GPT2: variants seen among roughly 807,000 people sequenced by gnomAD.
GPT2 encodes the protein alanine aminotransferase 2.
A neutral mutation model predicts 56.9 loss-of-function variants in GPT2; 30 were observed. The observed-to-expected ratio is 0.53, with a 90% confidence interval of 0.39 to 0.72. The LOEUF (loss-of-function observed/expected upper bound fraction) is 0.72. Ranked by LOEUF, GPT2 falls within the 30% of genes least tolerant of loss-of-function variation. The probability of loss-of-function intolerance (pLI) is 0.00; values close to 1 mark genes in which losing one functional copy is unlikely to be tolerated. For synonymous variants in GPT2, 271 were observed against 283.1 expected, an observed-to-expected ratio of 0.96 and a Z score of 0.43; for missense variants, 542 against 703.4, an observed-to-expected ratio of 0.77 and a Z score of 2.60.
chr16:46,886,133 A>T (rs929613503), intron 2 of GPT2, among the ~76,000 whole-genome samples: 2 of 151,752 alleles, frequency 1.3e-5, no homozygotes, highest in Admixed American at 6.6e-5. Flanking sequence ...TCTCCTGCGG[A>T]CTCCTTGCAG....
At chr16:46,898,726 T>C (rs1219757709) in intron 3 of GPT2, among the ~76,000 whole-genome samples, 2 of 151,408 alleles carry the variant, frequency 1.3e-5, no homozygotes, top group Non-Finnish European at 2.9e-5. Context: ...ATTTTTGTAT[T>C]TTTGGTAGAG....
intron 6 of GPT2, among the ~76,000 whole-genome samples, chr16:46,915,129 TGGA>T (rs1270592145): frequency 6.6e-6 from 1 of 151,976 alleles, no homozygotes; most frequent in Non-Finnish European, 1.5e-5. Context: ...CCATGCGGTC[TGGA>T]ACTCCTGGGC....
chr16:46,914,184 T>C (rs62059080), intron 6 of GPT2, among the ~76,000 whole-genome samples: 4,911 of 152,318 alleles, frequency 0.032, 116 homozygotes, highest in Middle Eastern at 0.078. Context: ...TTCCCTCACC[T>C]GTACCCATGG....
Position 46,929,524 on chromosome 16 carries a change from G to GCAGTAGCA in GPT2, c.*529_*536dup, listed in dbSNP as rs1175058950. On this transcript the variant is annotated 3_prime_UTR_variant, in exon 12 of 12. Coordinates refer to ENST00000340124, the MANE Select transcript of GPT2 (RefSeq NM_133443.4). ...TGGCCTGGAGGCAGGCGCCGGGAGC[G>GCAGTAGCA]CAGTAGCACGTGGACTGGGCAGGAT... 1 of 160,644 alleles carries GCAGTAGCA rather than the reference G, an allele frequency of 6.2e-6. No individual in the cohort carries two copies. Among genetic ancestry groups the GCAGTAGCA allele is most frequent in the Non-Finnish European group, 1.4e-5 (1 of 72,682 alleles). The allele number at this position is 160,644 out of a possible 1,614,324, so 10.0% of individuals were successfully genotyped here. A position where few individuals can be genotyped will look rare whatever the true frequency, so the allele number is the denominator to read the frequency against.
At chr16:46,901,402 G>A (rs1361130083) in intron 4 of GPT2, among the ~76,000 whole-genome samples, 1 of 152,166 alleles carries the variant, frequency 6.6e-6, no homozygotes, top group Non-Finnish European at 1.5e-5. Flanking sequence ...AGTGGACCTG[G>A]AACTTGGCCC....
intron 2 of GPT2, among the ~76,000 whole-genome samples, chr16:46,896,142 C>T (rs1330639059): frequency 6.6e-6 from 1 of 152,230 alleles, no homozygotes; most frequent in East Asian, 1.9e-4. Context: ...AGGGCTTTCA[C>T]ACTGTTTGTT....
At chr16:46,911,550 G>A (rs780449929) in intron 6 of GPT2, among the ~76,000 whole-genome samples, 22 of 152,146 alleles carry the variant, frequency 1.4e-4, no homozygotes, top group Non-Finnish European at 1.9e-4. Context: ...CTGGTTGTAC[G>A]TTAGAATCAC....
At chr16:46,890,978 A>G (rs980782664) in intron 2 of GPT2, among the ~76,000 whole-genome samples, 2 of 151,774 alleles carry the variant, frequency 1.3e-5, no homozygotes, top group South Asian at 2.1e-4. Flanking sequence ...GGTTCAAGCA[A>G]TTCTCCTGCC....
chr16:46,913,686 G>A (rs1248985472), intron 6 of GPT2, among the ~76,000 whole-genome samples: 1 of 152,084 alleles, frequency 6.6e-6, no homozygotes, highest in Non-Finnish European at 1.5e-5. Flanking sequence ...TTTTTCCATA[G>A]ACCAGAATAT....
intron 2 of GPT2, among the ~76,000 whole-genome samples, chr16:46,889,697 T>C (rs1041043494): frequency 1.3e-5 from 2 of 152,224 alleles, no homozygotes; most frequent in African/African-American, 4.8e-5. Flanking sequence ...TCAGCCTTGG[T>C]TTACTCTTCT....
In GPT2 at chr16:46,919,042, C is replaced by T. The variant is rs367913535; in HGVS notation, c.1037+285C>T. On this transcript the variant is annotated intron_variant, in intron 8 of 11. Coordinates refer to ENST00000340124, the MANE Select transcript of GPT2 (RefSeq NM_133443.4). ...CTGGTGTTTTCTCTGTCACTTGTTC[C>T]GAGGTTGACTGATGTCTGAGAGGTC... is the stretch of plus-strand genomic sequence containing the variant. Among the ~76,000 whole-genome samples, 465 of 152,288 alleles carry T rather than the reference C, an allele frequency of 3.1e-3. 6 individuals carry two copies. Among genetic ancestry groups the T allele is most frequent in the Non-Finnish European group, 5.7e-3 (387 of 68,018 alleles).
rs1320117125 is a variant in GPT2 at position 46,884,527 on chromosome 16, T to G, written c.-23+60T>G. ...CGAAAGCCGGTTGGGTGTGCGTTGGTGCTTCAGCGGCGCCGTGGAGGGTCC... is the reference window on the plus strand; with the variant it reads ...CGAAAGCCGGTTGGGTGTGCGTTGGGGCTTCAGCGGCGCCGTGGAGGGTCC... On this transcript the variant is annotated intron_variant, in intron 1 of 11. Transcript: ENST00000340124. The G allele has an allele frequency of 6.6e-6, 4 of 606,908 alleles. No individual in the cohort carries two copies. In the East Asian group the frequency reaches 1.4e-4, roughly 22 times the overall value. The allele number at this position is 606,908 out of a possible 1,614,324, so 37.6% of individuals were successfully genotyped here.
rs1466936447 is a variant in GPT2, at chr16:46,909,105, G to A, written c.577-579G>A. ...CCCATTTTAAGAGTCCCCTGTTGGG[G>A]TGGGTGTGGGGTGGGGTCTTTCCAA... is the stretch of plus-strand genomic sequence containing the variant. On this transcript the variant is annotated intron_variant, in intron 5 of 11. Transcript: ENST00000340124. 2.6e-5 allele frequency among the ~76,000 whole-genome samples: 4 copies of A among 151,878 alleles called. No homozygotes were observed. In the East Asian group the frequency reaches 7.7e-4, roughly 29 times the overall value.
chr16:46,929,028 C>T lies in GPT2; in HGVS notation c.*31C>T, dbSNP rs1056924187. ...CCTGAGCCCCAGCGGGAGACCTGTCCTTGGCTCTTCCTCCCAATGCCCGTC... is the reference window on the plus strand; with the variant it reads ...CCTGAGCCCCAGCGGGAGACCTGTCTTTGGCTCTTCCTCCCAATGCCCGTC... On this transcript the variant is annotated 3_prime_UTR_variant, in exon 12 of 12. Coordinates refer to ENST00000340124, the MANE Select transcript of GPT2 (RefSeq NM_133443.4). The T allele has an allele frequency of 4.5e-6, 7 of 1,557,898 alleles. No homozygotes were observed. Among genetic ancestry groups the T allele is most frequent in the Non-Finnish European group, 6.2e-6 (7 of 1,129,166 alleles).
Position 46,909,797 on chromosome 16 carries a change from G to A in GPT2, c.690G>A (p.Gln230=). 6.2e-7 allele frequency: 1 copy of A among 1,614,190 alleles called. No homozygotes were observed. The change falls in exon 6 of 12, where the codon CAG becomes CAA. Residue 230 remains glutamine, a synonymous_variant. Transcript: ENST00000340124. ...TCATCTCTGAGCTCGACGCCATCCA[G>A]GTGAATTACTACCTGGACGAGGAGA... ...SAVISELDAI[Q]VNYYLDEENC... is the part of the protein sequence containing the mutation.
intron 7 of GPT2, among the ~76,000 whole-genome samples, chr16:46,917,946 G>A (rs1229549984): frequency 2.0e-5 from 3 of 152,162 alleles, no homozygotes; most frequent in African/African-American, 7.2e-5. Flanking sequence ...GGAGGACAGG[G>A]CCTGGCTTGG....
rs766157171 is a variant in GPT2, at chr16:46,909,869, G to A, written c.762G>A (p.Glu254=). Reference sequence around the variant, plus strand: ...ATGAGCTCCGGCGGGCGGTGCAGGAGGCCAAAGACCACTGTGATCCTAAGG... The same window carrying A: ...ATGAGCTCCGGCGGGCGGTGCAGGAAGCCAAAGACCACTGTGATCCTAAGG... ...NVNELRRAVQ[E]AKDHCDPKVL... is the part of the protein sequence containing the mutation. Residue 254 remains glutamate (E), a synonymous_variant, in exon 6 of 12, where the codon GAG becomes GAA. Transcript: ENST00000340124. 1.9e-6 allele frequency: 3 copies of A among 1,614,152 alleles called. No individual in the cohort carries two copies. In the Admixed American group the frequency reaches 5.0e-5, roughly 27 times the overall value.
At chr16:46,926,624 T>C (rs1346715619) in intron 10 of GPT2, among the ~76,000 whole-genome samples, 1 of 152,174 alleles carries the variant, frequency 6.6e-6, no homozygotes, top group Admixed American at 6.5e-5. Flanking sequence ...TTATGCAGCT[T>C]GACCTGCAGG....
intron 2 of GPT2, among the ~76,000 whole-genome samples, chr16:46,894,757 C>G (rs370472031): frequency 6.6e-6 from 1 of 152,292 alleles, no homozygotes. Context: ...GCTCCGCCTC[C>G]CAGCTTCATG....
Sources: gnomAD v4.1 joint callset for allele counts (sites outside exome capture counted in the v4.1 genomes callset) on GRCh38, gnomAD v4.1.1 for gene constraint, MANE v1.5 for transcripts, NCBI Gene and HGNC (gene_info 2026-07-23, HGNC 2026-07-21) for gene names.